Variants in ABLIM1 observed in about 807,000 individuals in gnomAD.
ABLIM1 encodes actin-binding LIM protein 1.
A neutral mutation model predicts 107.0 loss-of-function variants in ABLIM1; 40 were observed. The ratio of observed to expected loss-of-function variants is 0.37; its 90% CI spans 0.29 to 0.49. ABLIM1 has a LOEUF of 0.49. Among genes scored for constraint, ABLIM1 ranks in the 20% least tolerant of loss-of-function variants. The pLI, the probability that ABLIM1 is intolerant of heterozygous loss-of-function variation, is 0.97. For missense variants in ABLIM1, 857 were observed against 1,008.5 expected (o/e 0.85, Z 2.04); for synonymous variants, 357 against 357.3 (o/e 1.00, Z 0.01).
chr10:114,692,440 T>G (rs2081100172), intron 1 of ABLIM1, among the ~76,000 whole-genome samples: 1 of 152,044 alleles, frequency 6.6e-6, no homozygotes, highest in Non-Finnish European at 1.5e-5. Context: ...ATTATAGAGC[T>G]TGTCAAAAAC....
intron 2 of ABLIM1, among the ~76,000 whole-genome samples, chr10:114,586,704 A>C (rs1010940233): frequency 1.3e-5 from 2 of 152,118 alleles, no homozygotes; most frequent in African/African-American, 4.8e-5. Context: ...ATTTGATAGA[A>C]TAAATGGCAC....
chr10:114,723,146 A>G (rs192483604), intron 1 of ABLIM1, among the ~76,000 whole-genome samples: 1 of 152,314 alleles, frequency 6.6e-6, no homozygotes, highest in East Asian at 1.9e-4. Flanking sequence ...TGCTTATTCA[A>G]TCCTTTCTAA....
chr10:114,542,031 C>A (rs1402348328), intron 6 of ABLIM1, among the ~76,000 whole-genome samples: 2 of 152,128 alleles, frequency 1.3e-5, no homozygotes, highest in African/African-American at 4.8e-5. Flanking sequence ...ACGGCTGTCA[C>A]AAATGTGGGG....
the ABLIM1 span, among the ~76,000 whole-genome samples, chr10:114,796,236 G>C: frequency 6.6e-6 from 1 of 152,178 alleles, no homozygotes; most frequent in Non-Finnish European, 1.5e-5. Flanking sequence ...CTGTGGGTTG[G>C]GAATTCAGGA....
chr10:114,543,273 T>A (rs1346415367), intron 6 of ABLIM1, among the ~76,000 whole-genome samples: 1 of 152,226 alleles, frequency 6.6e-6, no homozygotes, highest in Non-Finnish European at 1.5e-5. Context: ...AATATTTTCA[T>A]CACCCCAAAA....
chr10:114,682,288 C>A (rs2080781442), intron 1 of ABLIM1, among the ~76,000 whole-genome samples: 1 of 152,188 alleles, frequency 6.6e-6, no homozygotes, highest in African/African-American at 2.4e-5. Flanking sequence ...CAGCAGCCAC[C>A]TAACTAGCTA....
chr10:114,514,314 AT>A (rs1241239233), intron 6 of ABLIM1, among the ~76,000 whole-genome samples: 4 of 148,472 alleles, frequency 2.7e-5, no homozygotes, highest in South Asian at 2.1e-4. Flanking sequence ...AAAAAAAAAA[AT>A]AAAGTGAAAT....
rs1383288169 is a variant in ABLIM1 at position 114,434,685 on chromosome 10, A to T, written c.*1575T>A. On this transcript the variant is annotated 3_prime_UTR_variant, in exon 23 of 23. Transcript: ENST00000533213. The stretch of plus-strand genomic sequence containing the variant: ...CCAAAGCATGATAATAAAGTGGCTT[A>T]CCCTCCTGGGTGTGGAGTTACACAA... The T allele has an allele frequency of 6.6e-6, 1 of 152,132 alleles. No individual in the cohort carries two copies. Among genetic ancestry groups the T allele is most frequent in the Admixed American group, 6.6e-5 (1 of 15,262 alleles). The allele number at this position is 152,132 out of a possible 1,614,324, so 9.4% of individuals were successfully genotyped here.
intron 11 of ABLIM1, among the ~76,000 whole-genome samples, chr10:114,466,756 A>G (rs192618759): frequency 1.6e-3 from 247 of 152,352 alleles, no homozygotes; most frequent in Middle Eastern, 3.4e-3. Context: ...ATAATTTAAA[A>G]TGCCCTTTAA....
At chr10:114,777,146 T>C in the ABLIM1 span, among the ~76,000 whole-genome samples, 2 of 152,150 alleles carry the variant, frequency 1.3e-5, no homozygotes, top group Non-Finnish European at 2.9e-5. Context: ...TCTGTTTCAA[T>C]TTGGATCATT....
At chr10:114,599,598 C>T (rs2075784992) in intron 2 of ABLIM1, among the ~76,000 whole-genome samples, 1 of 151,842 alleles carries the variant, frequency 6.6e-6, no homozygotes, top group Non-Finnish European at 1.5e-5. Flanking sequence ...ATGATGAAAC[C>T]CCATCTCTGC....
intron 1 of ABLIM1, among the ~76,000 whole-genome samples, chr10:114,704,335 T>TA (rs3061769): frequency 3.6e-5 from 3 of 83,440 alleles, no homozygotes; most frequent in Non-Finnish European, 7.6e-5. Flanking sequence ...TATATATATA[T>TA]TGCGCGCGTT....
At chr10:114,521,886 A>T (rs2063801520) in intron 6 of ABLIM1, among the ~76,000 whole-genome samples, 1 of 152,208 alleles carries the variant, frequency 6.6e-6, no homozygotes, top group Admixed American at 6.5e-5. Flanking sequence ...CAGTGCCATG[A>T]AGAACCTAAA....
chr10:114,657,979 T>C lies in ABLIM1; in HGVS notation c.222A>G (p.Val74=). The C allele has an allele frequency of 1.9e-6, 3 of 1,613,810 alleles. No individual in the cohort carries two copies. The highest frequency in any genetic ancestry group is 2.5e-6 in the Non-Finnish European group (3 of 1,179,738). Residue 74 remains valine, a synonymous_variant, in exon 1 of 23, where the codon GTA becomes GTG. Transcript: ENST00000533213. ...CPKDYCPRGR[V]CNSVDPFVAH... is the part of the protein sequence containing the mutation. ...TACCAAAAGGATCAACGCTGTTACA[T>C]ACACGCCCACGTGGGCAGTAGTCCT...
At chr10:114,615,792 G>T (rs1373120104) in intron 1 of ABLIM1, among the ~76,000 whole-genome samples, 2 of 149,520 alleles carry the variant, frequency 1.3e-5, no homozygotes, top group Non-Finnish European at 3.0e-5. Context: ...AAAAATAAAA[G>T]ACTCATTTAA....
rs370318292 is a variant in ABLIM1 at position 114,571,311 on chromosome 10, G to T, written c.659C>A (p.Thr220Asn). 1.2e-5 allele frequency: 19 copies of T among 1,614,060 alleles called. No individual in the cohort carries two copies. Among genetic ancestry groups the T allele is most frequent in the Non-Finnish European group, 1.6e-5 (19 of 1,180,024 alleles). ...GGGGCACTTACTGCTGGAGAAGGTG[G>T]TTTCTTTCGGACTGGACGACATCGG... is the stretch of plus-strand genomic sequence containing the variant. ...AQPMSSSPKE[T>N]TFSSNCAGCG... Residue 220 changes from threonine to asparagine, a missense_variant, in exon 4 of 23, where the codon ACC (threonine) becomes AAC (asparagine). By Grantham distance (65) the Thr-to-Asn change is moderately conservative. Transcript: ENST00000533213.
intron 6 of ABLIM1, among the ~76,000 whole-genome samples, chr10:114,504,161 G>A (rs185477527): frequency 6.6e-6 from 1 of 152,130 alleles, no homozygotes; most frequent in Non-Finnish European, 1.5e-5. Context: ...TTCCTCTCCT[G>A]ATTGAGCTTA....
At chr10:114,491,012 G>GTGTGTGTGTATA in intron 7 of ABLIM1, among the ~76,000 whole-genome samples, 61 of 92,362 alleles carry the variant, frequency 6.6e-4, no homozygotes, top group Non-Finnish European at 1.1e-3. Context: ...GTGTGTGTGT[G>GTGTGTGTGTATA]TATATATATA....
At chr10:114,578,254 T>C (rs1424291957) in intron 2 of ABLIM1, among the ~76,000 whole-genome samples, 1 of 152,210 alleles carries the variant, frequency 6.6e-6, no homozygotes, top group Admixed American at 6.5e-5. Flanking sequence ...GCCATGCCTC[T>C]CTCAAACCCA....
Sources: gnomAD v4.1 joint callset for allele counts (sites outside exome capture counted in the v4.1 genomes callset) on GRCh38, gnomAD v4.1.1 for gene constraint, MANE v1.5 for transcripts, NCBI Gene and HGNC (gene_info 2026-07-23, HGNC 2026-07-21) for gene names.